The following KY variants were observed in gnomAD, a reference collection of about 807,000 sequenced individuals.
KY encodes the protein kyphoscoliosis peptidase.
KY carries 43 observed loss-of-function variants against 76.1 expected under a neutral mutation model. That is an observed-to-expected ratio of 0.57 (90% CI 0.44 to 0.73). KY has a LOEUF of 0.73. Ranked by LOEUF, KY falls within the 30% of genes least tolerant of loss-of-function variation. The pLI, the probability that KY is intolerant of heterozygous loss-of-function variation, is 0.00. For synonymous variants in KY, 277 were observed against 326.2 expected (o/e 0.85, Z 1.63); for missense variants, 722 against 828.9 (o/e 0.87, Z 1.58).
intron 2 of KY, among the ~76,000 whole-genome samples, chr3:134,645,784 A>G (rs1330309743): frequency 1.3e-5 from 2 of 152,206 alleles, no homozygotes; most frequent in African/African-American, 4.8e-5. Context: ...CAGCTGACAC[A>G]TAGTGCTAAG....
At chr3:134,615,619 T>G (rs973683127) in intron 8 of KY, among the ~76,000 whole-genome samples, 2 of 152,008 alleles carry the variant, frequency 1.3e-5, no homozygotes, top group Non-Finnish European at 2.9e-5. Context: ...TTTGCACCAG[T>G]GACATAACTC....
chr3:134,633,400 A>G (rs1964491879), intron 3 of KY, among the ~76,000 whole-genome samples: 1 of 152,120 alleles, frequency 6.6e-6, no homozygotes, highest in African/African-American at 2.4e-5. Flanking sequence ...AGAAAAATAT[A>G]CTACAACCAT....
At chr3:134,641,791 C>T (rs78168706) in intron 3 of KY, among the ~76,000 whole-genome samples, 1,648 of 152,266 alleles carry the variant, frequency 0.011, 38 homozygotes, top group African/African-American at 0.036. Context: ...CCTTATCTGG[C>T]TCAGGGTGTT....
At position 134,651,018 on chromosome 3, in the gene KY, C is replaced by T. The variant is rs778735027; in HGVS notation, c.-58G>A. On this transcript the variant is annotated 5_prime_UTR_variant, in exon 1 of 11. Coordinates refer to ENST00000423778, the MANE Select transcript of KY (RefSeq NM_178554.6). ...GCCGCACGCTAGGCTGCTTGCGCTG[C>T]AAATGGCCCCGTGCGCGCAGCTGCC... The T allele has an allele frequency of 6.2e-7, 1 of 1,608,370 alleles. No homozygotes were observed.
Position 134,625,524 on chromosome 3 carries a change from CT to C in KY, c.401-390del, listed in dbSNP as rs1353927419. Among the ~76,000 whole-genome samples the C allele has an allele frequency of 3.3e-5, 5 of 152,218 alleles. No individual in the cohort carries two copies. In the East Asian group the frequency reaches 9.6e-4, roughly 29 times the overall value. On this transcript the variant is annotated intron_variant, in intron 5 of 10. Transcript: ENST00000423778. ...GTTATTTTTCCCAGGAATGAATGCT[CT>C]TTGGGGAGTGTCCAGGCAGTGCTGC...
chr3:134,619,140 T>C lies in KY; in HGVS notation c.710+8A>G. ...GGTGGTCAGCATGGGGACTCCTGTC[T>C]CTCGTACCTGCACATTCTCTCGAAG... On this transcript the variant is annotated splice_region_variant and intron_variant, in intron 8 of 10. Transcript: ENST00000423778. The C allele has an allele frequency of 1.9e-6, 3 of 1,610,846 alleles. No homozygotes were observed. Among genetic ancestry groups the C allele is most frequent in the Non-Finnish European group, 2.5e-6 (3 of 1,177,312 alleles).
intron 5 of KY, among the ~76,000 whole-genome samples, chr3:134,625,857 G>A (rs1301064714): frequency 2.6e-5 from 4 of 152,254 alleles, no homozygotes; most frequent in African/African-American, 7.2e-5. Context: ...ACCAAACCAC[G>A]AGTCAGGTCT....
Position 134,625,127 on chromosome 3 carries a change from AG to A in KY, c.408del (p.Trp137GlyfsTer6). The A allele has an allele frequency of 6.3e-7, 1 of 1,597,478 alleles. No homozygotes were observed. The highest frequency in any genetic ancestry group is 2.3e-5 in the East Asian group (1 of 44,276). On this transcript the variant is annotated frameshift_variant, in exon 6 of 11. Transcript: ENST00000423778. LOFTEE classifies it high-confidence loss of function. ...QPGGKDAHAY[P>X]WDRSSLKSMS... Reference sequence around the variant, plus strand: ...ATGGATTTCAGGCTAGATCGATCCCAGGGGTAGGCTGGAAACACAGGGCACC... The same window carrying A: ...ATGGATTTCAGGCTAGATCGATCCCAGGGTAGGCTGGAAACACAGGGCACC...
At chr3:134,617,958 G>C (rs1262100578) in intron 8 of KY, among the ~76,000 whole-genome samples, 1 of 152,190 alleles carries the variant, frequency 6.6e-6, no homozygotes, top group Non-Finnish European at 1.5e-5. Context: ...TGAGGATCCA[G>C]GTTCCTGGAG....
At chr3:134,616,156 AC>A (rs1344460190) in intron 8 of KY, among the ~76,000 whole-genome samples, 1 of 152,206 alleles carries the variant, frequency 6.6e-6, no homozygotes, top group Non-Finnish European at 1.5e-5. Context: ...AAAAAGAGAG[AC>A]ATTAATGTTG....
chr3:134,620,909 GGGGCCCAGCATCT>G lies in KY; in HGVS notation c.484-65_484-53del, dbSNP rs1226601639. The G allele has an allele frequency of 6.2e-6, 7 of 1,125,964 alleles. No individual in the cohort carries two copies. The African/African-American group carries it at 9.2e-5, about 15-fold the overall frequency. The allele number at this position is 1,125,964 out of a possible 1,614,324, so 69.7% of individuals were successfully genotyped here. On this transcript the variant is annotated intron_variant, in intron 6 of 10. Transcript: ENST00000423778. ...TTAGGGCCTCGAGGAGGGGCTGTTG[GGGGCCCAGCATCT>G]TGCACCTACAGCCAGTGCTGCTCTT...
intron 1 of KY, among the ~76,000 whole-genome samples, chr3:134,650,591 G>T (rs1207722685): frequency 6.6e-6 from 1 of 152,202 alleles, no homozygotes; most frequent in Admixed American, 6.5e-5. Context: ...AGCACCCACA[G>T]GCCTGCACAG....
In KY at chr3:134,603,472, A is replaced by AT. The variant is rs1260654244; in HGVS notation, c.*106dup. 1.0e-6 allele frequency: 1 copy of AT among 998,830 alleles called. No individual in the cohort carries two copies. The highest frequency in any genetic ancestry group is 1.5e-6 in the Non-Finnish European group (1 of 678,472). The allele number at this position is 998,830 out of a possible 1,614,324, so 61.9% of individuals were successfully genotyped here. ...ACACTGAGGCAGAGGCCTAGAAGGGATTTCATGCAGACTCAGTGGTGTCCA... is the reference window on the plus strand; with the variant it reads ...ACACTGAGGCAGAGGCCTAGAAGGGATTTTCATGCAGACTCAGTGGTGTCCA... On this transcript the variant is annotated 3_prime_UTR_variant, in exon 11 of 11. Transcript: ENST00000423778.
At position 134,627,773 on chromosome 3, in the gene KY, C is replaced by G; in HGVS notation, c.383G>C (p.Gly128Ala). 1 of 1,613,908 alleles carries G rather than the reference C, an allele frequency of 6.2e-7. No individual in the cohort carries two copies. Among genetic ancestry groups the G allele is most frequent in the Non-Finnish European group, 8.5e-7 (1 of 1,179,788 alleles). The change falls in exon 5 of 11, where the codon GGA becomes GCA. Residue 128 changes from glycine (G) to alanine (A), a missense_variant. Around this residue, in one of 2 missense-constraint regions of KY, gnomAD observed 552 missense variants for 680.9 expected, o/e 0.81. Transcript: ENST00000423778. The stretch of plus-strand genomic sequence containing the variant: ...GAACTTACCATGGGCATCTTTCCCT[C>G]CAGGTTGCCGGGGTCTTGTGTTTCC... ...KNGNTRPRQP[G>A]GKDAHAYPWD...
intron 3 of KY, among the ~76,000 whole-genome samples, chr3:134,642,535 G>A (rs1965893152): frequency 1.0e-5 from 1 of 98,304 alleles, no homozygotes; most frequent in African/African-American, 3.0e-5. Flanking sequence ...CCAGTCAACT[G>A]TAGTCAGTGA....
chr3:134,627,704 G>T, intron 5 of KY, 52 bp downstream of exon 5: 2 of 1,524,900 alleles, frequency 1.3e-6, no homozygotes, highest in Non-Finnish European at 1.8e-6. Flanking sequence ...AGTCTATGAG[G>T]CTAAACCCAT....
intron 3 of KY, among the ~76,000 whole-genome samples, chr3:134,632,383 G>T (rs1964352596): frequency 6.6e-6 from 1 of 151,854 alleles, no homozygotes. Context: ...AACCTAAAAA[G>T]TTGAAGAGAA....
rs766872103 is a variant in KY, at chr3:134,627,786, G to T, written c.370C>A (p.Pro124Thr). The change falls in exon 5 of 11, where the codon CCC becomes ACC. Residue 124 changes from proline to threonine, a missense_variant. Coordinates refer to ENST00000423778, the MANE Select transcript of KY (RefSeq NM_178554.6). ...GCATCTTTCCCTCCAGGTTGCCGGG[G>T]TCTTGTGTTTCCATTTTTATCACCT... ...LQGDKNGNTR[P>T]RQPGGKDAHA... The T allele has an allele frequency of 1.2e-5, 20 of 1,613,884 alleles. No individual in the cohort carries two copies. Among genetic ancestry groups the T allele is most frequent in the Non-Finnish European group, 1.7e-5 (20 of 1,179,780 alleles).
At chr3:134,648,525 C>T (rs1966710140) in intron 1 of KY, among the ~76,000 whole-genome samples, 1 of 152,200 alleles carries the variant, frequency 6.6e-6, no homozygotes, top group African/African-American at 2.4e-5. Context: ...AGTATATGCA[C>T]TCTACTTTCT....
Sources: gnomAD v4.1 joint callset for allele counts (sites outside exome capture counted in the v4.1 genomes callset) on GRCh38, gnomAD v4.1.1 for gene constraint, gnomAD v4.1.1 regional missense constraint, MANE v1.5 for transcripts, NCBI Gene and HGNC (gene_info 2026-07-23, HGNC 2026-07-21) for gene names.